The following ZSWIM6 variants were observed in gnomAD, a reference collection of about 807,000 sequenced individuals.
The protein encoded by ZSWIM6 is zinc finger SWIM domain-containing protein 6.
ZSWIM6 carries 9 observed loss-of-function variants against 113.2 expected under a neutral mutation model. The observed-to-expected ratio is 0.08, with a 90% CI of 0.05 to 0.14. ZSWIM6 has a LOEUF of 0.14. Among genes scored for constraint, ZSWIM6 ranks in the 10% least tolerant of loss-of-function variants. The pLI is 1.00. For missense variants in ZSWIM6, 1,162 were observed against 1,552.2 expected (o/e 0.75, Z 4.22); for synonymous variants, 611 against 606.5 (o/e 1.01, Z -0.11).
chr5:61,358,812 C>T (rs1744973076), intron 1 of ZSWIM6, among the ~76,000 whole-genome samples: 1 of 152,168 alleles, frequency 6.6e-6, no homozygotes, highest in Non-Finnish European at 1.5e-5. Flanking sequence ...AGCAGTGCTT[C>T]CCAGTCTCTT....
intron 1 of ZSWIM6, among the ~76,000 whole-genome samples, chr5:61,333,784 C>T (rs1195047510): frequency 1.3e-5 from 2 of 151,790 alleles, no homozygotes; most frequent in Non-Finnish European, 2.9e-5. Flanking sequence ...CACCCCTGTG[C>T]GGGCCGCGGC....
At chr5:61,392,102 G>T (rs1000532920) in intron 1 of ZSWIM6, among the ~76,000 whole-genome samples, 3 of 152,138 alleles carry the variant, frequency 2.0e-5, no homozygotes, top group Non-Finnish European at 4.4e-5. Flanking sequence ...CATTGATAGG[G>T]TGGCTGGAGT....
intron 1 of ZSWIM6, among the ~76,000 whole-genome samples, chr5:61,353,299 G>A (rs1471704243): frequency 6.6e-6 from 1 of 152,114 alleles, no homozygotes; most frequent in Non-Finnish European, 1.5e-5. Context: ...CCAGTTCTGT[G>A]CTTTACAAGC....
chr5:61,456,071 T>C (rs1580005321), intron 1 of ZSWIM6, among the ~76,000 whole-genome samples: 1 of 152,254 alleles, frequency 6.6e-6, no homozygotes, highest in African/African-American at 2.4e-5. Context: ...TATGCCAGCA[T>C]AGTCTTCCCT....
intron 1 of ZSWIM6, among the ~76,000 whole-genome samples, chr5:61,373,502 C>G (rs1473360277): frequency 6.7e-6 from 1 of 149,088 alleles, no homozygotes; most frequent in East Asian, 2.0e-4. Context: ...TGAATCCTTT[C>G]TTCATCATAC....
intron 10 of ZSWIM6, among the ~76,000 whole-genome samples, chr5:61,535,820 C>T (rs1017888535): frequency 6.6e-6 from 1 of 152,182 alleles, no homozygotes; most frequent in Non-Finnish European, 1.5e-5. Context: ...GAAGGGTTAT[C>T]CTTGCTGCTA....
chr5:61,471,566 T>C (rs924160620), intron 1 of ZSWIM6, among the ~76,000 whole-genome samples: 3 of 152,144 alleles, frequency 2.0e-5, no homozygotes, highest in African/African-American at 7.2e-5. Context: ...AAAATGGCCA[T>C]TGGTCATGGA....
Position 61,475,506 on chromosome 5 carries a change from A to G in ZSWIM6, c.1033+2469A>G, listed in dbSNP as rs1323907163. Among the ~76,000 whole-genome samples the G allele has an allele frequency of 5.3e-5, 8 of 152,302 alleles. No individual in the cohort carries two copies. In the South Asian group the frequency reaches 1.4e-3, roughly 28 times the overall value. ...AGGATAGATTGTAGGTTACCTTTAG[A>G]CTCAATATGATTTCCTAATAACTTG... On this transcript the variant is annotated intron_variant, in intron 2 of 13. Coordinates refer to ENST00000252744, the MANE Select transcript of ZSWIM6 (RefSeq NM_020928.2).
chr5:61,355,776 G>C (rs777740604), intron 1 of ZSWIM6, among the ~76,000 whole-genome samples: 8 of 152,076 alleles, frequency 5.3e-5, no homozygotes, highest in Non-Finnish European at 1.2e-4. Flanking sequence ...TGAAGACTTA[G>C]TGCAATAAAA....
At chr5:61,402,820 C>T (rs1745966107) in intron 1 of ZSWIM6, among the ~76,000 whole-genome samples, 1 of 152,086 alleles carries the variant, frequency 6.6e-6, no homozygotes, top group Admixed American at 6.6e-5. Context: ...GGCATAATAT[C>T]TTATTTATAT....
chr5:61,482,906 AT>A (rs35924359), intron 2 of ZSWIM6, among the ~76,000 whole-genome samples: 57,343 of 148,284 alleles, frequency 0.39, 11,058 homozygotes, highest in South Asian at 0.45. Context: ...ACTTTGGGCC[AT>A]TTTTTTTTTT....
chr5:61,378,279 C>T (rs1745410542), intron 1 of ZSWIM6, among the ~76,000 whole-genome samples: 2 of 152,036 alleles, frequency 1.3e-5, no homozygotes, highest in Admixed American at 1.3e-4. Flanking sequence ...AAAATTTGTC[C>T]ATCGAAGATG....
intron 1 of ZSWIM6, among the ~76,000 whole-genome samples, chr5:61,355,472 ACACACACACACACACACACACACAC>A (rs1465894445): frequency 2.7e-5 from 4 of 149,316 alleles, no homozygotes. Flanking sequence ...ACACACACAC[ACACACACACACACACACACACACAC>A]TATTAGATGG....
At chr5:61,471,980 CTGTA>C in intron 1 of ZSWIM6, among the ~76,000 whole-genome samples, 1 of 151,960 alleles carries the variant, frequency 6.6e-6, no homozygotes, top group Middle Eastern at 3.4e-3. Flanking sequence ...TAGCTTTCCT[CTGTA>C]TGTGACATGG....
chr5:61,450,115 A>G (rs1456154671), intron 1 of ZSWIM6, among the ~76,000 whole-genome samples: 2 of 152,144 alleles, frequency 1.3e-5, no homozygotes, highest in African/African-American at 4.8e-5. Flanking sequence ...AATTCAATAT[A>G]ATAACAGTCC....
At chr5:61,491,595 C>T (rs192019281) in intron 3 of ZSWIM6, among the ~76,000 whole-genome samples, 38 of 152,030 alleles carry the variant, frequency 2.5e-4, no homozygotes, top group Admixed American at 1.2e-3. Context: ...TCCTTGTGAG[C>T]GGAAGCTGTG....
chr5:61,444,288 T>A (rs1746901573), intron 1 of ZSWIM6, among the ~76,000 whole-genome samples: 1 of 152,064 alleles, frequency 6.6e-6, no homozygotes, highest in Non-Finnish European at 1.5e-5. Context: ...CATCATAATT[T>A]ATGGCTGCAT....
At chr5:61,389,421 G>A (rs143449384) in intron 1 of ZSWIM6, among the ~76,000 whole-genome samples, 1,724 of 151,662 alleles carry the variant, frequency 0.011, 24 homozygotes, top group African/African-American at 0.039. Context: ...TGGGCATGGT[G>A]GTGGGTGCCT....
At chr5:61,412,643 A>G (rs1361022125) in intron 1 of ZSWIM6, among the ~76,000 whole-genome samples, 1 of 152,220 alleles carries the variant, frequency 6.6e-6, no homozygotes, top group Non-Finnish European at 1.5e-5. Context: ...AAAGAGGCAC[A>G]TTGTGCTCAG....
Sources: allele counts gnomAD v4.1 joint callset (sites outside exome capture counted in the v4.1 genomes callset), GRCh38; gene constraint gnomAD v4.1.1; transcripts MANE v1.5; gene names NCBI Gene and HGNC (gene_info 2026-07-23, HGNC 2026-07-21).